Variants in CCDC57 observed in about 807,000 individuals in gnomAD.
CCDC57 encodes the protein coiled-coil domain containing 57.
A neutral mutation model predicts 118.9 loss-of-function variants in CCDC57; 118 were observed. The ratio of observed to expected loss-of-function variants is 0.99; its 90% CI spans 0.86 to 1.16. The LOEUF is 1.16. Among genes scored for constraint, CCDC57 ranks in the 50% most tolerant of loss-of-function variants. The pLI is 0.00. For missense variants in CCDC57, 1,300 were observed against 1,320.7 expected (o/e 0.98, Z 0.24); for synonymous variants, 527 against 532.9 (o/e 0.99, Z 0.15).
At chr17:82,197,251 C>T (rs114596597) in intron 4 of CCDC57, among the ~76,000 whole-genome samples, 392 of 152,258 alleles carry the variant, frequency 2.6e-3, no homozygotes, top group African/African-American at 9.3e-3. Flanking sequence ...CCTGCAGAGA[C>T]GCAGCCCCTC....
At position 82,180,632 on chromosome 17, in the gene CCDC57, C is replaced by T. The variant is rs888852064; in HGVS notation, c.1212-1443G>A. Reference sequence around the variant, plus strand: ...CTGGGACTACAGGTGCATACCACCACGCCTAGCTAATTTTTTGTATTTTTA... The same window carrying T: ...CTGGGACTACAGGTGCATACCACCATGCCTAGCTAATTTTTTGTATTTTTA... On this transcript the variant is annotated intron_variant, in intron 9 of 19. Coordinates refer to ENST00000665763, the Ensembl canonical transcript of CCDC57. 2.6e-5 allele frequency among the ~76,000 whole-genome samples: 4 copies of T among 152,084 alleles called. No homozygotes were observed. In the South Asian group the frequency reaches 8.3e-4, roughly 32 times the overall value.
intron 17 of CCDC57, among the ~76,000 whole-genome samples, chr17:82,133,789 G>C (rs1052809985): frequency 1.3e-5 from 2 of 151,908 alleles, no homozygotes; most frequent in East Asian, 3.9e-4. Flanking sequence ...TGAACCGGGA[G>C]GGGGAGGTTG....
intron 15 of CCDC57, chr17:82,157,182 ACAGCTCAGAG>A (rs1306684887): frequency 6.5e-6 from 1 of 154,214 alleles, no homozygotes; most frequent in Non-Finnish European, 1.4e-5. Context: ...GGTCGTCTCC[ACAGCTCAGAG>A]CTGTGGCTCA....
Position 82,157,303 on chromosome 17 carries a change from G to A in CCDC57, c.2241+445C>T, listed in dbSNP as rs550588129. The stretch of plus-strand genomic sequence containing the variant: ...CTGGAGCAGCTGTGTGGCTCTGAAC[G>A]CAGCAGTGAGGGCCATGTGGGCCCC... On this transcript the variant is annotated intron_variant, in intron 15 of 19. Transcript: ENST00000665763. 23 of 317,174 alleles carry A rather than the reference G, an allele frequency of 7.3e-5. No homozygotes were observed. The South Asian group carries it at 1.2e-3, about 17-fold the overall frequency. 19.6% of individuals were successfully genotyped at this position (317,174 alleles called of 1,614,324 possible). A position where few individuals can be genotyped will look rare whatever the true frequency, so the allele number is the denominator to read the frequency against.
At chr17:82,176,174 C>G (rs990457923) in intron 11 of CCDC57, among the ~76,000 whole-genome samples, 1 of 152,052 alleles carries the variant, frequency 6.6e-6, no homozygotes, top group Non-Finnish European at 1.5e-5. Flanking sequence ...AGTCTAAGCC[C>G]AGGGCATAAA....
chr17:82,115,199 G>A (rs945333509), intron 19 of CCDC57, among the ~76,000 whole-genome samples: 11 of 151,708 alleles, frequency 7.3e-5, no homozygotes, highest in Non-Finnish European at 1.3e-4. Flanking sequence ...CACTGGGGCC[G>A]AGCAGGGCAG....
chr17:82,201,595 T>G (rs2146906668), exon 3 of CCDC57: 2 of 1,612,726 alleles, frequency 1.2e-6, no homozygotes, highest in East Asian at 4.5e-5. Flanking sequence ...CTGCTGCTGC[T>G]GCAGCTCCTC....
chr17:82,147,335 T>C (rs1055248051), intron 16 of CCDC57, among the ~76,000 whole-genome samples: 3 of 148,586 alleles, frequency 2.0e-5, no homozygotes, highest in East Asian at 4.0e-4. Context: ...GGCGGATGGA[T>C]AGATGGATGG....
At chr17:82,162,375 C>T (rs936342275) in intron 14 of CCDC57, among the ~76,000 whole-genome samples, 5 of 152,198 alleles carry the variant, frequency 3.3e-5, no homozygotes, top group Admixed American at 3.3e-4. Context: ...GGTAGTGACC[C>T]CAGCCCCATG....
intron 19 of CCDC57, among the ~76,000 whole-genome samples, chr17:82,120,944 A>G (rs1034325562): frequency 1.1e-4 from 16 of 152,058 alleles, no homozygotes; most frequent in African/African-American, 3.9e-4. Flanking sequence ...TTTAGTAGAG[A>G]CAGGGTTTCA....
intron 19 of CCDC57, among the ~76,000 whole-genome samples, chr17:82,123,384 C>T (rs1339000415): frequency 6.6e-6 from 1 of 150,764 alleles, no homozygotes; most frequent in Non-Finnish European, 1.5e-5. Flanking sequence ...CCACTTTAGC[C>T]TCCCCAAATG....
chr17:82,207,945 A>G (rs2049864794), exon 2 of CCDC57: 2 of 151,942 alleles, frequency 1.3e-5, no homozygotes, highest in African/African-American at 4.8e-5. Context: ...TGCTGGTGAA[A>G]ACCTCCCTCT....
exon 20 of CCDC57, chr17:82,101,659 TG>T: frequency 6.4e-7 from 1 of 1,557,992 alleles, no homozygotes. Flanking sequence ...CACCCCTTAG[TG>T]GGGCGGGGTG....
At chr17:82,178,669 G>C in intron 10 of CCDC57, 64 bp from the exon 10 acceptor site, 1 of 1,577,224 alleles carries the variant, frequency 6.3e-7, no homozygotes, top group Non-Finnish European at 8.6e-7. Context: ...GCCTGCTGAG[G>C]CTCCAATGGC....
intron 15 of CCDC57, 62 bp from the exon 15 acceptor site, chr17:82,151,835 G>A: frequency 1.4e-6 from 2 of 1,444,786 alleles, no homozygotes; most frequent in Non-Finnish European, 1.9e-6. Flanking sequence ...GACGCCAGGG[G>A]TGCCCACCCA....
chr17:82,140,011 T>C (rs2145550855), intron 16 of CCDC57, among the ~76,000 whole-genome samples: 1 of 152,348 alleles, frequency 6.6e-6, no homozygotes, highest in South Asian at 2.1e-4. Context: ...TCTGAAGCTA[T>C]GTACAGTCCA....
intron 19 of CCDC57, among the ~76,000 whole-genome samples, chr17:82,114,359 GGCGTGAGGATGA>G (rs2035577455): frequency 1.3e-5 from 2 of 152,194 alleles, no homozygotes; most frequent in African/African-American, 4.8e-5. Context: ...GAGGGACGGG[GGCGTGAGGATGA>G]GCTGGTGCTG....
At chr17:82,113,511 A>G (rs2144952028) in intron 19 of CCDC57, 1 of 717,538 alleles carries the variant, frequency 1.4e-6, no homozygotes, top group Admixed American at 2.0e-5. Context: ...TGTGATGGTG[A>G]CCAGTGAGGC....
exon 11 of CCDC57, chr17:82,178,492 G>A (rs1258445900): frequency 6.2e-7 from 1 of 1,612,790 alleles, no homozygotes; most frequent in Non-Finnish European, 8.5e-7. Flanking sequence ...CTGGTCTGGG[G>A]AGCCCATGCA....
Sources: allele counts gnomAD v4.1 joint callset (sites outside exome capture counted in the v4.1 genomes callset), GRCh38; gene constraint gnomAD v4.1.1; transcripts MANE v1.5; gene names NCBI Gene and HGNC (gene_info 2026-07-23, HGNC 2026-07-21).